BNC2: variants seen among roughly 807,000 people sequenced by gnomAD.
The protein encoded by BNC2 is zinc finger protein basonuclin-2.
Under a neutral mutation model 76.3 loss-of-function variants are expected in BNC2, and 20 were observed. The observed-to-expected ratio is 0.26, with a 90% CI of 0.18 to 0.38. The LOEUF (loss-of-function observed/expected upper bound fraction) is 0.38. Ranked by LOEUF, BNC2 falls within the 10% of genes least tolerant of loss-of-function variation. The probability of loss-of-function intolerance (pLI) is 1.00; values close to 1 mark genes in which losing one functional copy is unlikely to be tolerated. For missense variants in BNC2, 1,382 were observed against 1,399.8 expected (o/e 0.99, Z 0.20); for synonymous variants, 582 against 514.8 (o/e 1.13, Z -1.77).
intron 3 of BNC2, among the ~76,000 whole-genome samples, chr9:16,675,475 G>T (rs556507811): frequency 2.2e-4 from 34 of 152,116 alleles, no homozygotes; most frequent in Admixed American, 9.2e-4. Context: ...GCCCACACTG[G>T]TCTTGAACTC....
At chr9:16,794,880 C>T (rs946979859) in intron 1 of BNC2, among the ~76,000 whole-genome samples, 8 of 147,666 alleles carry the variant, frequency 5.4e-5, no homozygotes, top group Admixed American at 3.5e-4. Context: ...GCTCAAATTA[C>T]AACAGCTTAT....
At chr9:16,654,493 A>T (rs1430247661) in intron 3 of BNC2, among the ~76,000 whole-genome samples, 1 of 152,242 alleles carries the variant, frequency 6.6e-6, no homozygotes, top group East Asian at 1.9e-4. Context: ...GAAACAGACC[A>T]AAACATAACA....
rs118082976 is a variant in BNC2 at position 16,709,038 on chromosome 9, G to A, written c.330+18759C>T. On this transcript the variant is annotated intron_variant, in intron 3 of 6. Transcript: ENST00000380672. The stretch of plus-strand genomic sequence containing the variant: ...CTTCTTAAATTTATCAAAAACGCAC[G>A]CAAAGGGAGGCAGCTTCGGCTTCAC... 5.2e-3 allele frequency among the ~76,000 whole-genome samples: 793 copies of A among 152,294 alleles called. 4 individuals carry two copies. The highest frequency in any genetic ancestry group is 0.016 in the African/African-American group (652 of 41,558).
chr9:16,556,194 G>A (rs562735432), intron 4 of BNC2, among the ~76,000 whole-genome samples: 1 of 152,068 alleles, frequency 6.6e-6, no homozygotes, highest in Admixed American at 6.6e-5. Flanking sequence ...GGAGGCTGAT[G>A]GGGGAGGACT....
chr9:16,861,181 A>AATATATATATATATATATATATATAT lies in BNC2; in HGVS notation c.3+9464_3+9465insATATATATATATATATATATATATAT, dbSNP rs71327866. Among the ~76,000 whole-genome samples, 152 of 131,728 alleles carry AATATATATATATATATATATATATAT rather than the reference A, an allele frequency of 1.2e-3. 2 individuals are homozygous for AATATATATATATATATATATATATAT. The highest frequency in any genetic ancestry group is 2.3e-3 in the African/African-American group (74 of 32,110). The allele number at this position is 131,728 out of a possible 152,430, so 86.4% of individuals were successfully genotyped here. A position where few individuals can be genotyped will look rare whatever the true frequency, so the allele number is the denominator to read the frequency against. ...ACATGGTAATACCCTATCTCTACAAAATATATATATATATATATATAAATT... is the reference window on the plus strand; with the variant it reads ...ACATGGTAATACCCTATCTCTACAAAATATATATATATATATATATATATATATATATATATATATATATATAAATT... On this transcript the variant is annotated intron_variant, in intron 1 of 6. Coordinates refer to ENST00000380672, the MANE Select transcript of BNC2 (RefSeq NM_017637.6).
chr9:16,521,791 GC>G lies in BNC2; in HGVS notation c.669+30738del, dbSNP rs1419138776. ...GAGTTCTAATTTTACCTTAAATGGA[GC>G]AGAGGGGGGTGTAACATTTTTTAAG... On this transcript the variant is annotated intron_variant, in intron 5 of 6. Coordinates refer to ENST00000380672, the MANE Select transcript of BNC2 (RefSeq NM_017637.6). Among the ~76,000 whole-genome samples, 6 of 152,278 alleles carry G rather than the reference GC, an allele frequency of 3.9e-5. No individual in the cohort carries two copies. In the East Asian group the frequency reaches 1.2e-3, roughly 29 times the overall value.
At chr9:16,729,610 G>C (rs903807505) in intron 2 of BNC2, among the ~76,000 whole-genome samples, 4 of 152,112 alleles carry the variant, frequency 2.6e-5, no homozygotes, top group Admixed American at 6.5e-5. Flanking sequence ...CAATATCTGA[G>C]AGGAAACAAA....
At chr9:16,825,889 T>C (rs1818443412) in intron 1 of BNC2, among the ~76,000 whole-genome samples, 1 of 152,134 alleles carries the variant, frequency 6.6e-6, no homozygotes, top group Non-Finnish European at 1.5e-5. Flanking sequence ...GCATGTGTCA[T>C]TTGAAAAACA....
chr9:16,534,773 A>T (rs571806136), intron 5 of BNC2, among the ~76,000 whole-genome samples: 1 of 152,198 alleles, frequency 6.6e-6, no homozygotes, highest in African/African-American at 2.4e-5. Flanking sequence ...TTTAAAAAAC[A>T]TTCACAGTTT....
intron 1 of BNC2, among the ~76,000 whole-genome samples, chr9:16,795,858 C>G (rs1363138926): frequency 1.3e-5 from 2 of 152,004 alleles, no homozygotes; most frequent in Admixed American, 1.3e-4. Context: ...TTGCAGAATG[C>G]CAGGGAAAGA....
chr9:16,450,664 A>G (rs1013849481), intron 5 of BNC2, among the ~76,000 whole-genome samples: 4 of 152,254 alleles, frequency 2.6e-5, no homozygotes, highest in African/African-American at 9.6e-5. Flanking sequence ...GCTGTTTGGT[A>G]GAAACATGCA....
intron 5 of BNC2, among the ~76,000 whole-genome samples, chr9:16,541,844 G>C (rs113683995): frequency 2.3e-3 from 355 of 152,100 alleles, no homozygotes; most frequent in African/African-American, 7.9e-3. Flanking sequence ...ACTGATCTGT[G>C]TTCCAAACAT....
At chr9:16,460,561 G>A (rs2131221889) in intron 5 of BNC2, among the ~76,000 whole-genome samples, 1 of 152,196 alleles carries the variant, frequency 6.6e-6, no homozygotes, top group South Asian at 2.1e-4. Context: ...AGGCAAAGGT[G>A]GCAGTGAACC....
At position 16,414,324 on chromosome 9, in the gene BNC2, C is replaced by T. The variant is rs1380568199; in HGVS notation, c.*4665G>A. On this transcript the variant is annotated 3_prime_UTR_variant, in exon 7 of 7. Transcript: ENST00000380672. ...GCTACCCCAAAACCAGGGCAGGAAC[C>T]GACCCTCTACTTAGTTCTGATGAAA... 5.3e-5 allele frequency: 8 copies of T among 152,182 alleles called. No individual in the cohort carries two copies. The highest frequency in any genetic ancestry group is 6.5e-5 in the Admixed American group (1 of 15,268). The allele number at this position is 152,182 out of a possible 1,614,324, so 9.4% of individuals were successfully genotyped here.
intron 1 of BNC2, among the ~76,000 whole-genome samples, chr9:16,750,829 T>C (rs1484560021): frequency 6.6e-6 from 1 of 152,214 alleles, no homozygotes; most frequent in Non-Finnish European, 1.5e-5. Flanking sequence ...TATTCAGAAA[T>C]GTTGAAAAAT....
At chr9:16,530,951 T>C (rs1480395961) in intron 5 of BNC2, among the ~76,000 whole-genome samples, 1 of 152,102 alleles carries the variant, frequency 6.6e-6, no homozygotes, top group Non-Finnish European at 1.5e-5. Flanking sequence ...TATTTAGCAA[T>C]GAGCCGGGAG....
At chr9:16,716,598 C>T (rs372408868) in intron 3 of BNC2, among the ~76,000 whole-genome samples, 19 of 152,166 alleles carry the variant, frequency 1.2e-4, no homozygotes, top group Non-Finnish European at 1.9e-4. Context: ...AGGGAAGCAA[C>T]GGCCTTCTCA....
In BNC2 at chr9:16,778,276, C is replaced by G. The variant is rs144011281; in HGVS notation, c.4-39791G>C. On this transcript the variant is annotated intron_variant, in intron 1 of 6. Transcript: ENST00000380672. ...TCTTTTTAAGGCAATAAATGATGTT[C>G]TCTATTGGCAGAGACCCAAAGGAGT... Among the ~76,000 whole-genome samples the G allele has an allele frequency of 6.4e-3, 974 of 152,280 alleles. 7 individuals carry two copies. The highest frequency in any genetic ancestry group is 9.9e-3 in the Admixed American group (151 of 15,304).
At chr9:16,566,779 C>G (rs1443177420) in intron 4 of BNC2, among the ~76,000 whole-genome samples, 1 of 152,096 alleles carries the variant, frequency 6.6e-6, no homozygotes, top group African/African-American at 2.4e-5. Flanking sequence ...AGAATAGTCA[C>G]ACAGTAAGAC....
Sources: gnomAD v4.1 joint callset for allele counts (sites outside exome capture counted in the v4.1 genomes callset) on GRCh38, gnomAD v4.1.1 for gene constraint, MANE v1.5 for transcripts, NCBI Gene and HGNC (gene_info 2026-07-23, HGNC 2026-07-21) for gene names.